CORO7: variants seen among roughly 807,000 people sequenced by gnomAD.
CORO7 encodes coronin 7, also known as coronin-7.
A neutral mutation model predicts 126.6 loss-of-function variants in CORO7; 107 were observed. The observed-to-expected ratio is 0.85, with a 90% CI of 0.72 to 0.99. The LOEUF (loss-of-function observed/expected upper bound fraction) is 0.99, where lower values mean the gene tolerates loss of function less well. CORO7 is among the 50% of genes least tolerant of loss of function. CORO7 has a pLI of 0.00. For synonymous variants in CORO7, 603 were observed against 536.8 expected (o/e 1.12, Z -1.70); for missense variants, 1,314 against 1,255.8 (o/e 1.05, Z -0.70).
At chr16:4,412,506 T>A in intron 2 of CORO7, 76 bp from the exon 3 acceptor site, 1 of 1,526,352 alleles carries the variant, frequency 6.6e-7, no homozygotes, top group Non-Finnish European at 9.1e-7. Flanking sequence ...ATCCCAGAGA[T>A]GAAATCCAGC....
chr16:4,365,734 C>A (rs2054327889), intron 9 of CORO7, among the ~76,000 whole-genome samples, 189 bp from the exon 10 acceptor site: 1 of 152,178 alleles, frequency 6.6e-6, no homozygotes, highest in African/African-American at 2.4e-5. Flanking sequence ...CACGCCCACA[C>A]CCCAGCTGCT....
rs766748296 is a variant in CORO7, at chr16:4,355,150, G to A, written c.*8C>T. 3 of 1,509,720 alleles carry A rather than the reference G, an allele frequency of 2.0e-6. No individual in the cohort carries two copies. The highest frequency in any genetic ancestry group is 2.7e-6 in the Non-Finnish European group (3 of 1,124,480). 93.5% of individuals were successfully genotyped at this position (1,509,720 alleles called of 1,614,324 possible). ...GCACAGGTGAGGTGGAGGTGACGGGGGCGCAGGCTAGTCCTGGGGCGAAAC... is the reference window on the plus strand; with the variant it reads ...GCACAGGTGAGGTGGAGGTGACGGGAGCGCAGGCTAGTCCTGGGGCGAAAC... On this transcript the variant is annotated 3_prime_UTR_variant, in exon 28 of 28. Coordinates refer to ENST00000251166, the MANE Select transcript of CORO7 (RefSeq NM_024535.5).
In CORO7 at chr16:4,372,496, G is replaced by T. The variant is rs1275389492; in HGVS notation, c.786-6951C>A. 7.9e-5 allele frequency among the ~76,000 whole-genome samples: 12 copies of T among 152,194 alleles called. No individual in the cohort carries two copies. The East Asian group carries it at 2.3e-3, about 29-fold the overall frequency. ...CAGCCCTAGGGAGGGGCGGGGAGTG[G>T]CTGGTGGGCGTCCGATGCCCATCCC... On this transcript the variant is annotated intron_variant, in intron 9 of 27. Coordinates refer to ENST00000251166, the MANE Select transcript of CORO7 (RefSeq NM_024535.5).
chr16:4,385,495 C>G (rs1172406652), intron 9 of CORO7, among the ~76,000 whole-genome samples: 1 of 152,210 alleles, frequency 6.6e-6, no homozygotes, highest in Non-Finnish European at 1.5e-5. Context: ...GCGTGGCACC[C>G]AAGACAGGTG....
intron 6 of CORO7, among the ~76,000 whole-genome samples, chr16:4,399,475 C>T (rs1275702886): frequency 6.6e-6 from 1 of 152,102 alleles, no homozygotes; most frequent in African/African-American, 2.4e-5. Flanking sequence ...AGTGGAATGC[C>T]AATTCCTAGG....
intron 6 of CORO7, among the ~76,000 whole-genome samples, chr16:4,404,860 C>T (rs145422114): frequency 5.0e-4 from 76 of 152,228 alleles, no homozygotes; most frequent in African/African-American, 1.8e-3. Context: ...GTTCCAAATG[C>T]GAATCCGCTC....
intron 6 of CORO7, among the ~76,000 whole-genome samples, chr16:4,398,655 G>C (rs2055689224): frequency 7.0e-6 from 1 of 142,832 alleles, no homozygotes; most frequent in East Asian, 2.1e-4. Flanking sequence ...AACAGAGCAA[G>C]ACTCCATCTG....
chr16:4,364,318 C>T lies in CORO7; in HGVS notation c.1233G>A (p.Gln411=). 6.5e-7 allele frequency: 1 copy of T among 1,546,364 alleles called. No homozygotes were observed. The highest frequency in any genetic ancestry group is 8.7e-7 in the Non-Finnish European group (1 of 1,150,500). Reference sequence around the variant, plus strand: ...CCACGGGTGTCTCCATCACCGCAGGCTGGGCTGTGTCAGGGAGGGGCTCCG... The same window carrying T: ...CCACGGGTGTCTCCATCACCGCAGGTTGGGCTGTGTCAGGGAGGGGCTCCG... ...PPAEPLPDTA[Q]PAVMETPVGD... is the part of the protein sequence containing the mutation. Residue 411 remains glutamine (Q), a synonymous_variant, in exon 14 of 28, where the codon CAG becomes CAA. Coordinates refer to ENST00000251166, the MANE Select transcript of CORO7 (RefSeq NM_024535.5).
At position 4,362,254 on chromosome 16, in the gene CORO7, C is replaced by A; in HGVS notation, c.1403-94G>T. On this transcript the variant is annotated intron_variant, in intron 15 of 27. Coordinates refer to ENST00000251166, the MANE Select transcript of CORO7 (RefSeq NM_024535.5). This position sits in a 1 kb window ranked among gnomAD's most constrained non-coding sequence, Gnocchi z 5.3. ...TCCCGGCTGCCCACTCCCCTCACCCCAGGTGGATGTACAGCATGGACCTAG... is the reference window on the plus strand; with the variant it reads ...TCCCGGCTGCCCACTCCCCTCACCCAAGGTGGATGTACAGCATGGACCTAG... 1 of 1,484,368 alleles carries A rather than the reference C, an allele frequency of 6.7e-7. No homozygotes were observed. The highest frequency in any genetic ancestry group is 1.4e-5 in the African/African-American group (1 of 71,206). 91.9% of individuals were successfully genotyped at this position (1,484,368 alleles called of 1,614,324 possible).
At chr16:4,415,868 C>T in intron 1 of CORO7, 4 of 985,624 alleles carry the variant, frequency 4.1e-6, no homozygotes, top group Non-Finnish European at 4.8e-6. Context: ...CCAGGCCCCA[C>T]CCAGCCGTGG....
intron 7 of CORO7, among the ~76,000 whole-genome samples, chr16:4,392,476 C>T (rs1053602875): frequency 1.3e-5 from 2 of 152,202 alleles, no homozygotes; most frequent in Admixed American, 6.5e-5. Context: ...CCCAGGGTCC[C>T]CTGCTCAAAG....
At position 4,362,067 on chromosome 16, in the gene CORO7, C is replaced by A; in HGVS notation, c.1496G>T (p.Gly499Val). 1 of 1,613,138 alleles carries A rather than the reference C, an allele frequency of 6.2e-7. No individual in the cohort carries two copies. The highest frequency in any genetic ancestry group is 8.5e-7 in the Non-Finnish European group (1 of 1,179,962). Residue 499 changes from glycine (G) to valine (V), a missense_variant, in exon 16 of 28, where the codon GGT (glycine) becomes GTT (valine). Physicochemically the swap from Gly to Val is moderately radical, Grantham distance 109 (BLOSUM62 -3). Transcript: ENST00000251166. This position sits in a 1 kb window ranked among gnomAD's most constrained non-coding sequence, Gnocchi z 5.3. ...GTTGGCACAGAAGCCGTCACTCTCA[C>A]CAGGTGTGGTGAGGTTGAGCCCCTT... is the stretch of plus-strand genomic sequence containing the variant. ...NLKGLNLTTP[G>V]ESDGFCANKL...
At chr16:4,382,195 T>A (rs2055005248) in intron 9 of CORO7, 1 of 1,602,062 alleles carries the variant, frequency 6.2e-7, no homozygotes, top group African/African-American at 1.3e-5. Context: ...CACGGGCCTG[T>A]ACTGTGAGAG....
chr16:4,399,490 G>A (rs559584875), intron 6 of CORO7, among the ~76,000 whole-genome samples: 12 of 152,292 alleles, frequency 7.9e-5, no homozygotes, highest in Non-Finnish European at 1.5e-4. Flanking sequence ...CCTAGGGGCC[G>A]GGAGGTAGGG....
At chr16:4,389,493 G>A (rs2055311975) in intron 7 of CORO7, among the ~76,000 whole-genome samples, 1 of 152,212 alleles carries the variant, frequency 6.6e-6, no homozygotes, top group Non-Finnish European at 1.5e-5. Context: ...AATGAATGAG[G>A]GAGGGAAGCA....
intron 9 of CORO7, chr16:4,381,959 C>A (rs1372875798): frequency 2.5e-6 from 4 of 1,608,570 alleles, no homozygotes; most frequent in Non-Finnish European, 3.4e-6. Flanking sequence ...GTGCCCACCA[C>A]GAGGCCCGTG....
At chr16:4,397,637 G>A (rs780436230) in intron 6 of CORO7, among the ~76,000 whole-genome samples, 3 of 151,970 alleles carry the variant, frequency 2.0e-5, no homozygotes, top group Non-Finnish European at 2.9e-5. Flanking sequence ...TTTTGAGATG[G>A]AGTTTCATTC....
At position 4,407,487 on chromosome 16, in the gene CORO7, A is replaced by G. The variant is rs977712283; in HGVS notation, c.487+14T>C. 2.6e-6 allele frequency: 4 copies of G among 1,560,454 alleles called. No homozygotes were observed. In the Admixed American group the frequency reaches 5.8e-5, roughly 22 times the overall value. On this transcript the variant is annotated intron_variant, in intron 5 of 27. Transcript: ENST00000251166. The stretch of plus-strand genomic sequence containing the variant: ...GGGGCTGCCCTGGGAAGGGCAGGCC[A>G]GGGTGGCCTGTACCTGTCAGGGGCT...
chr16:4,360,770 T>G (rs1429272173), intron 19 of CORO7, among the ~76,000 whole-genome samples, 173 bp downstream of exon 19: 1 of 92,456 alleles, frequency 1.1e-5, no homozygotes, highest in South Asian at 3.9e-4. Flanking sequence ...CCGCTGGCCC[T>G]GCCCCTCCTC....
Sources: allele counts gnomAD v4.1 joint callset (sites outside exome capture counted in the v4.1 genomes callset), GRCh38; gene constraint gnomAD v4.1.1; non-coding constraint Gnocchi (gnomAD v3.1); transcripts MANE v1.5; gene names NCBI Gene and HGNC (gene_info 2026-07-23, HGNC 2026-07-21).